VAMP7: variants seen among roughly 807,000 people sequenced by gnomAD.
VAMP7 encodes the protein vesicle-associated membrane protein 7.
Under a neutral mutation model 29.6 loss-of-function variants are expected in VAMP7, and 14 were observed. The observed-to-expected ratio is 0.47, with a 90% CI of 0.31 to 0.74. The LOEUF (loss-of-function observed/expected upper bound fraction) is 0.74. VAMP7 is among the 30% of genes least tolerant of loss of function. The probability of loss-of-function intolerance (pLI) is 0.05; values close to 1 mark genes in which losing one functional copy is unlikely to be tolerated. For synonymous variants in VAMP7, 95 were observed against 88.1 expected (o/e 1.08, Z -0.44); for missense variants, 223 against 262.4 (o/e 0.85, Z 1.04).
chrX:155,881,851 G>A (rs2065806126), intron 1 of VAMP7, among the ~76,000 whole-genome samples: 1 of 151,962 alleles, frequency 6.6e-6, no homozygotes. Flanking sequence ...ATGCTCCTTC[G>A]TGGGTTCCTA....
rs2066044648 is a variant in VAMP7, at chrX:155,900,376, T to C, written c.343-121T>C. ...TTTCCAGTGAAGTGACATGTATCTT[T>C]TATATCAATAGAGACATAATTTTAT... On this transcript the variant is annotated intron_variant, in intron 4 of 7. Transcript: ENST00000286448. 3 of 751,566 alleles carry C rather than the reference T, an allele frequency of 4.0e-6. No individual in the cohort carries two copies. The South Asian group carries it at 6.8e-5, about 17-fold the overall frequency. The allele number at this position is 751,566 out of a possible 1,614,324, so 46.6% of individuals were successfully genotyped here.
rs143253246 is a variant in VAMP7, at chrX:155,885,320, C to G, written c.-10+3872C>G. ...AATATGAGCAAGGAAAACGAAGGGACAGAGGTTTTAGAGAGGGAGGCAAGT... is the reference window on the plus strand; with the variant it reads ...AATATGAGCAAGGAAAACGAAGGGAGAGAGGTTTTAGAGAGGGAGGCAAGT... On this transcript the variant is annotated intron_variant, in intron 1 of 7. Transcript: ENST00000286448. Among the ~76,000 whole-genome samples, 933 of 152,106 alleles carry G rather than the reference C, an allele frequency of 6.1e-3. 12 individuals are homozygous for G. The highest frequency in any genetic ancestry group is 0.022 in the African/African-American group (893 of 41,474).
At chrX:155,901,931 G>A (rs1177908593) in intron 5 of VAMP7, among the ~76,000 whole-genome samples, 1 of 152,002 alleles carries the variant, frequency 6.6e-6, no homozygotes, top group Non-Finnish European at 1.5e-5. Context: ...AGCTTGATGG[G>A]GATGGCATTG....
Position 155,943,072 on chromosome X carries a change from A to G in VAMP7, c.*1121A>G, listed in dbSNP as rs1022190115. 2 of 150,708 alleles carry G rather than the reference A, an allele frequency of 1.3e-5. No homozygotes were observed. The highest frequency in any genetic ancestry group is 4.9e-5 in the African/African-American group (2 of 40,758). 9.3% of individuals were successfully genotyped at this position (150,708 alleles called of 1,614,324 possible). ...AGAATTAATACAAAACAGTTTAACA[A>G]CCATTTAACTGCAGTGTAAGAAAAT... On this transcript the variant is annotated 3_prime_UTR_variant, in exon 8 of 8. Transcript: ENST00000286448.
At chrX:155,912,795 A>G (rs1188297158) in intron 5 of VAMP7, among the ~76,000 whole-genome samples, 5 of 152,110 alleles carry the variant, frequency 3.3e-5, no homozygotes, top group African/African-American at 1.2e-4. Context: ...AGTCTTTGCT[A>G]TTGTGAACAG....
intron 6 of VAMP7, among the ~76,000 whole-genome samples, chrX:155,932,279 A>G (rs758247801): frequency 6.6e-6 from 1 of 152,280 alleles, no homozygotes; most frequent in East Asian, 1.9e-4. Flanking sequence ...ATGGCATTGA[A>G]TCTATAAATT....
At chrX:155,920,885 A>G (rs1432266793) in intron 6 of VAMP7, among the ~76,000 whole-genome samples, 1 of 152,218 alleles carries the variant, frequency 6.6e-6, no homozygotes, top group African/African-American at 2.4e-5. Context: ...ACAGTCTACT[A>G]TCAGGTTTTC....
At chrX:155,896,179 A>G (rs1569435388) in intron 3 of VAMP7, among the ~76,000 whole-genome samples, 1 of 152,214 alleles carries the variant, frequency 6.6e-6, no homozygotes, top group Non-Finnish European at 1.5e-5. Context: ...GCAAATGTTA[A>G]GAAAACTTGA....
intron 6 of VAMP7, among the ~76,000 whole-genome samples, chrX:155,938,768 A>C (rs955339057): frequency 6.6e-6 from 1 of 152,150 alleles, no homozygotes; most frequent in Non-Finnish European, 1.5e-5. Context: ...GTGAGTCGTA[A>C]TTGTGCCACT....
intron 6 of VAMP7, among the ~76,000 whole-genome samples, chrX:155,937,435 G>C (rs1294747669): frequency 6.6e-6 from 1 of 152,120 alleles, no homozygotes; most frequent in Non-Finnish European, 1.5e-5. Context: ...ACCCAAAAAA[G>C]TAACTATGTG....
chrX:155,912,603 ACG>A (rs2066253744), intron 5 of VAMP7, among the ~76,000 whole-genome samples: 1 of 151,604 alleles, frequency 6.6e-6, no homozygotes, highest in African/African-American at 2.4e-5. Context: ...GAGTGAGAAC[ACG>A]TGGTGTTTGG....
intron 6 of VAMP7, among the ~76,000 whole-genome samples, chrX:155,935,006 T>C (rs1406726170): frequency 6.6e-6 from 1 of 152,196 alleles, no homozygotes; most frequent in Non-Finnish European, 1.5e-5. Flanking sequence ...AATTCTTTTC[T>C]TTAAGAATTT....
chrX:155,943,654 A>G lies in VAMP7; in HGVS notation c.*1703A>G, dbSNP rs2066779472. On this transcript the variant is annotated 3_prime_UTR_variant, in exon 8 of 8. Coordinates refer to ENST00000286448, the MANE Select transcript of VAMP7 (RefSeq NM_005638.6). ...ATTGATGTGCATGTTTTAGGGATCAATTACCTAACTGTTCCTTGGTCTATT... is the reference window on the plus strand; with the variant it reads ...ATTGATGTGCATGTTTTAGGGATCAGTTACCTAACTGTTCCTTGGTCTATT... The G allele has an allele frequency of 6.6e-6, 1 of 152,180 alleles. No individual in the cohort carries two copies. 9.4% of individuals were successfully genotyped at this position (152,180 alleles called of 1,614,324 possible).
intron 1 of VAMP7, among the ~76,000 whole-genome samples, chrX:155,885,487 G>C (rs2065854059): frequency 6.6e-6 from 1 of 152,174 alleles, no homozygotes; most frequent in Non-Finnish European, 1.5e-5. Context: ...GGTTTGTTGT[G>C]GGTTGAATTG....
At chrX:155,909,163 G>C (rs1451652173) in intron 5 of VAMP7, among the ~76,000 whole-genome samples, 1 of 152,094 alleles carries the variant, frequency 6.6e-6, no homozygotes, top group Non-Finnish European at 1.5e-5. Context: ...CTCTATGCTT[G>C]CTGTAGCTAT....
At chrX:155,890,121 C>T (rs1248259438) in intron 2 of VAMP7, among the ~76,000 whole-genome samples, 2 of 151,918 alleles carry the variant, frequency 1.3e-5, no homozygotes, top group South Asian at 2.1e-4. Context: ...GTAGAAGGAA[C>T]AGCAGGTAGA....
At chrX:155,895,867 C>G (rs1336287875) in intron 3 of VAMP7, among the ~76,000 whole-genome samples, 187 bp downstream of exon 3, 2 of 152,082 alleles carry the variant, frequency 1.3e-5, no homozygotes, top group Admixed American at 6.6e-5. Flanking sequence ...AGTTCTGCCT[C>G]CTGTCAGATC....
chrX:155,935,405 A>G lies in VAMP7; in HGVS notation c.502-4296A>G, dbSNP rs1386361658. Among the ~76,000 whole-genome samples the G allele has an allele frequency of 4.6e-5, 7 of 151,900 alleles. No homozygotes were observed. The East Asian group carries it at 1.2e-3, about 25-fold the overall frequency. On this transcript the variant is annotated intron_variant, in intron 6 of 7. Coordinates refer to ENST00000286448, the MANE Select transcript of VAMP7 (RefSeq NM_005638.6). ...TTGGAGGCTTTTTTCGTTTCTTTTT[A>G]TTCTTTTTTCTCTAAACTTCTCTTC...
chrX:155,893,169 G>C (rs1356559354), intron 2 of VAMP7, among the ~76,000 whole-genome samples: 1 of 152,120 alleles, frequency 6.6e-6, no homozygotes, highest in African/African-American at 2.4e-5. Flanking sequence ...TGACTTACAA[G>C]TCTGGTTTAG....
Sources: gnomAD v4.1 joint callset for allele counts (sites outside exome capture counted in the v4.1 genomes callset) on GRCh38, gnomAD v4.1.1 for gene constraint, MANE v1.5 for transcripts, NCBI Gene and HGNC (gene_info 2026-07-23, HGNC 2026-07-21) for gene names.